Variants in IQANK1 observed in about 807,000 individuals in gnomAD.
The protein encoded by IQANK1 is IQ motif and ankyrin repeat containing 1.
In IQANK1, 30 loss-of-function variants were observed where a neutral mutation model predicts 22.6. The observed-to-expected ratio is 1.33, with a 90% CI of 0.99 to 1.80. The LOEUF is 1.80. Ranked by LOEUF, IQANK1 falls within the 40% of genes most tolerant of loss-of-function variation. IQANK1 has a pLI of 0.00. For missense variants in IQANK1, 275 were observed against 235.2 expected (o/e 1.17, Z -1.11); for synonymous variants, 122 against 99.6 (o/e 1.23, Z -1.34).
intron 3 of IQANK1, among the ~76,000 whole-genome samples, chr8:143,746,583 A>T (rs1819037134): frequency 6.6e-6 from 1 of 151,978 alleles, no homozygotes; most frequent in African/African-American, 2.4e-5. Flanking sequence ...GGTTCTCACT[A>T]TGTTGTCCAG....
Position 143,771,794 on chromosome 8 carries a change from C to A in IQANK1, c.307-7C>A, listed in dbSNP as rs1554629803. 1 of 396,832 alleles carries A rather than the reference C, an allele frequency of 2.5e-6. No individual in the cohort carries two copies. The highest frequency in any genetic ancestry group is 4.4e-6 in the Non-Finnish European group (1 of 225,084). 24.6% of individuals were successfully genotyped at this position (396,832 alleles called of 1,614,324 possible). ...AGTGGGCGGTGACTTCGGCGGGCGC[C>A]TCCCAGGCCTACCTGGCTCCGGTGC... On this transcript the variant is annotated splice_polypyrimidine_tract_variant and splice_region_variant and intron_variant, in intron 4 of 13. Transcript: ENST00000527139. The surrounding 1 kb of genome is among the most constrained non-coding windows in gnomAD (Gnocchi z 6.0).
chr8:143,751,625 A>T (rs868908066), intron 3 of IQANK1, among the ~76,000 whole-genome samples: 1 of 95,996 alleles, frequency 1.0e-5, no homozygotes, highest in Non-Finnish European at 2.1e-5. Flanking sequence ...AAAAAAAAAA[A>T]GTGTGTGTGT....
rs1275295159 is a variant in IQANK1 at position 143,738,499 on chromosome 8, A to G, written c.86-1360A>G. On this transcript the variant is annotated intron_variant, in intron 2 of 13. Transcript: ENST00000527139. Reference sequence around the variant, plus strand: ...ACGCCAGGGAGTTTATAGGGACTCCACGGCGCGGTGGCTCGCCTGGGCTGA... The same window carrying G: ...ACGCCAGGGAGTTTATAGGGACTCCGCGGCGCGGTGGCTCGCCTGGGCTGA... 5.3e-5 allele frequency among the ~76,000 whole-genome samples: 8 copies of G among 152,144 alleles called. No individual in the cohort carries two copies. The East Asian group carries it at 1.2e-3, about 22-fold the overall frequency.
At chr8:143,745,737 A>G (rs1336750725) in intron 3 of IQANK1, 2 of 148,898 alleles carry the variant, frequency 1.3e-5, no homozygotes, top group Non-Finnish European at 3.0e-5. Flanking sequence ...TACATTTCTT[A>G]TTGTTGTTGT....
At chr8:143,740,478 T>G (rs1554626329) in intron 3 of IQANK1, among the ~76,000 whole-genome samples, 2 of 152,196 alleles carry the variant, frequency 1.3e-5, no homozygotes, top group Non-Finnish European at 2.9e-5. Context: ...CGCGAACTCG[T>G]CGTCGGTCTC....
In IQANK1 at chr8:143,768,540, C is replaced by T. The variant is rs193128645; in HGVS notation, c.176-2948C>T. 5.6e-3 allele frequency among the ~76,000 whole-genome samples: 845 copies of T among 152,232 alleles called. 12 individuals carry two copies. The highest frequency in any genetic ancestry group is 0.019 in the African/African-American group (794 of 41,538). Reference sequence around the variant, plus strand: ...TACGTCGGTGGCTGTCAGCTGCAGCCGCTGCACTTCTTGTGTGCCCGATGG... The same window carrying T: ...TACGTCGGTGGCTGTCAGCTGCAGCTGCTGCACTTCTTGTGTGCCCGATGG... On this transcript the variant is annotated intron_variant, in intron 3 of 13. Transcript: ENST00000527139.
intron 2 of IQANK1, among the ~76,000 whole-genome samples, chr8:143,739,009 C>G (rs1164857321): frequency 6.6e-6 from 1 of 152,196 alleles, no homozygotes; most frequent in African/African-American, 2.4e-5. Flanking sequence ...ACTGGGCCCT[C>G]AAAGCCCTGC....
intron 3 of IQANK1, among the ~76,000 whole-genome samples, chr8:143,746,959 A>G (rs1819043746): frequency 6.6e-6 from 1 of 152,042 alleles, no homozygotes; most frequent in African/African-American, 2.4e-5. Context: ...AGCTCACTGC[A>G]AGCTCCGCCT....
intron 3 of IQANK1, among the ~76,000 whole-genome samples, chr8:143,770,491 C>A (rs1208881210): frequency 6.6e-6 from 1 of 152,252 alleles, no homozygotes; most frequent in South Asian, 2.1e-4. Flanking sequence ...CTGGCTGCTC[C>A]GGTCCGTGCC....
chr8:143,742,674 G>A (rs1554626731), intron 3 of IQANK1: 6 of 455,964 alleles, frequency 1.3e-5, no homozygotes, highest in Non-Finnish European at 2.6e-5. Context: ...CTGAGCCCCA[G>A]AGCCCCAGAA....
intron 3 of IQANK1, chr8:143,746,260 C>G (rs1461511258): frequency 6.6e-6 from 1 of 152,226 alleles, no homozygotes; most frequent in Admixed American, 6.5e-5. Flanking sequence ...ATCCTTCAGC[C>G]TTTTACCATT....
At chr8:143,752,995 C>G (rs919566255) in intron 3 of IQANK1, among the ~76,000 whole-genome samples, 6 of 74,744 alleles carry the variant, frequency 8.0e-5, no homozygotes, top group African/African-American at 1.4e-4. Flanking sequence ...ACTCTCTGTT[C>G]GTTTTTTTTT....
intron 3 of IQANK1, among the ~76,000 whole-genome samples, chr8:143,749,461 A>G (rs1429967313): frequency 2.2e-5 from 3 of 136,848 alleles, no homozygotes; most frequent in East Asian, 4.1e-4. Flanking sequence ...TATATCATAT[A>G]TAATATATAA....
intron 2 of IQANK1, among the ~76,000 whole-genome samples, 161 bp from the exon 3 acceptor site, chr8:143,739,698 T>C (rs1464728620): frequency 6.6e-6 from 1 of 152,190 alleles, no homozygotes; most frequent in Non-Finnish European, 1.5e-5. Flanking sequence ...GAGCCCGTGC[T>C]CCTTAAGGTT....
chr8:143,754,136 A>G (rs1262497931), intron 3 of IQANK1, among the ~76,000 whole-genome samples: 5 of 152,206 alleles, frequency 3.3e-5, no homozygotes, highest in African/African-American at 1.2e-4. Context: ...CAAGAGGGAA[A>G]AAAAGGCACC....
At chr8:143,765,153 C>T (rs1819462541) in intron 3 of IQANK1, among the ~76,000 whole-genome samples, 1 of 152,070 alleles carries the variant, frequency 6.6e-6, no homozygotes, top group African/African-American at 2.4e-5. Context: ...GTCAGGAGTT[C>T]AAGACCAGCC....
intron 3 of IQANK1, among the ~76,000 whole-genome samples, chr8:143,749,391 A>T (rs1330417052): frequency 7.6e-6 from 1 of 132,316 alleles, no homozygotes; most frequent in East Asian, 2.1e-4. Flanking sequence ...ATGTGAATAT[A>T]TAATTATATA....
chr8:143,763,462 C>G (rs1554629003), intron 3 of IQANK1, among the ~76,000 whole-genome samples: 1 of 152,028 alleles, frequency 6.6e-6, no homozygotes, highest in African/African-American at 2.4e-5. Context: ...AAGTGTGATC[C>G]CCAATGTCAA....
chr8:143,783,176 A>G (rs1819827696), intron 7 of IQANK1, among the ~76,000 whole-genome samples: 1 of 152,232 alleles, frequency 6.6e-6, no homozygotes, highest in Non-Finnish European at 1.5e-5. Flanking sequence ...ACAGTTTTCC[A>G]AAATGGTTGT....
Sources: allele counts gnomAD v4.1 joint callset (sites outside exome capture counted in the v4.1 genomes callset), GRCh38; gene constraint gnomAD v4.1.1; non-coding constraint Gnocchi (gnomAD v3.1); transcripts MANE v1.5; gene names NCBI Gene and HGNC (gene_info 2026-07-23, HGNC 2026-07-21).